Variants in LRRTM4 observed in about 807,000 individuals in gnomAD.
LRRTM4 encodes leucine-rich repeat transmembrane neuronal protein 4.
In LRRTM4, 25 loss-of-function variants were observed where a neutral mutation model predicts 47.6. The observed-to-expected ratio is 0.53, with a 90% CI of 0.38 to 0.73. LRRTM4 has a LOEUF of 0.73. Ranked by LOEUF, LRRTM4 falls within the 30% of genes least tolerant of loss-of-function variation. The pLI, the probability that LRRTM4 is intolerant of heterozygous loss-of-function variation, is 0.00. For synonymous variants in LRRTM4, 311 were observed against 269.5 expected, an observed-to-expected ratio of 1.15 and a Z score of -1.51; for missense variants, 638 against 713.4, an observed-to-expected ratio of 0.89 and a Z score of 1.20.
At chr2:77,151,783 T>C (rs980909472) in intron 3 of LRRTM4, among the ~76,000 whole-genome samples, 3 of 102,514 alleles carry the variant, frequency 2.9e-5, no homozygotes, top group Non-Finnish European at 3.8e-5. Context: ...AGAAAGATCT[T>C]GTTTGTTGTT....
intron 3 of LRRTM4, among the ~76,000 whole-genome samples, chr2:77,032,210 A>G (rs1295364141): frequency 6.6e-6 from 1 of 152,010 alleles, no homozygotes; most frequent in African/African-American, 2.4e-5. Context: ...CTTCATATTT[A>G]CCATTCCCTT....
chr2:76,850,509 T>G (rs539468337), intron 3 of LRRTM4, among the ~76,000 whole-genome samples: 2 of 152,308 alleles, frequency 1.3e-5, no homozygotes, highest in East Asian at 1.9e-4. Flanking sequence ...TGCAAATAAC[T>G]AGTACATTAT....
chr2:77,322,275 C>A (rs1323869915), intron 3 of LRRTM4, among the ~76,000 whole-genome samples: 1 of 152,012 alleles, frequency 6.6e-6, no homozygotes, highest in Admixed American at 6.6e-5. Flanking sequence ...TGGGTAACTT[C>A]CTCTAAATAT....
At chr2:77,386,429 C>A (rs1203459850) in intron 3 of LRRTM4, among the ~76,000 whole-genome samples, 1 of 152,150 alleles carries the variant, frequency 6.6e-6, no homozygotes, top group African/African-American at 2.4e-5. Flanking sequence ...TCATCCATAT[C>A]CCTGCAAAGG....
chr2:76,917,980 A>C (rs1041224847), intron 3 of LRRTM4, among the ~76,000 whole-genome samples: 1 of 152,168 alleles, frequency 6.6e-6, no homozygotes, highest in South Asian at 2.1e-4. Flanking sequence ...CTTTTCCTGC[A>C]ATCTTGACTA....
chr2:77,193,730 G>C (rs915100813), intron 3 of LRRTM4, among the ~76,000 whole-genome samples: 1 of 152,122 alleles, frequency 6.6e-6, no homozygotes, highest in Non-Finnish European at 1.5e-5. Context: ...GAAGCCAGGA[G>C]GCGGGCATTG....
At chr2:77,070,795 T>C (rs907903255) in intron 3 of LRRTM4, among the ~76,000 whole-genome samples, 3 of 152,126 alleles carry the variant, frequency 2.0e-5, no homozygotes, top group Non-Finnish European at 2.9e-5. Context: ...CATGCCCAGC[T>C]AATTTTTGTA....
intron 3 of LRRTM4, among the ~76,000 whole-genome samples, chr2:76,924,866 A>C (rs115154040): frequency 0.012 from 1,788 of 152,130 alleles, 42 homozygotes; most frequent in African/African-American, 0.041. Flanking sequence ...TAAAACTTTC[A>C]ATCCAATTTC....
rs1343099578 is a variant in LRRTM4 at position 77,102,427 on chromosome 2, T to C, written c.1552-353511A>G. On this transcript the variant is annotated intron_variant, in intron 3 of 3. Transcript: ENST00000409884. ...CTAGGTTACTTCAGAGTTCTTTTTC[T>C]GCTCTTTCAAACTTCCACCATTAAG... 2.0e-5 allele frequency among the ~76,000 whole-genome samples: 3 copies of C among 152,376 alleles called. 1 individual carries two copies. In the South Asian group the frequency reaches 6.2e-4, roughly 32 times the overall value.
At chr2:76,910,056 T>C (rs1282078491) in intron 3 of LRRTM4, among the ~76,000 whole-genome samples, 2 of 152,148 alleles carry the variant, frequency 1.3e-5, no homozygotes, top group Non-Finnish European at 2.9e-5. Context: ...CGTATGTTTA[T>C]TGTGGCACTA....
chr2:76,813,407 T>C (rs1181795163), intron 3 of LRRTM4, among the ~76,000 whole-genome samples: 1 of 152,292 alleles, frequency 6.6e-6, no homozygotes, highest in East Asian at 1.9e-4. Context: ...TTGTCTAATG[T>C]CAGAGAAATA....
chr2:76,875,970 G>A (rs1400973972), intron 3 of LRRTM4, among the ~76,000 whole-genome samples: 1 of 152,060 alleles, frequency 6.6e-6, no homozygotes, highest in Non-Finnish European at 1.5e-5. Context: ...ACTGACTTGG[G>A]ATACCAGTTA....
At chr2:77,463,444 A>C (rs1573449237) in intron 3 of LRRTM4, among the ~76,000 whole-genome samples, 1 of 152,040 alleles carries the variant, frequency 6.6e-6, no homozygotes, top group East Asian at 1.9e-4. Context: ...AGTAAATCAA[A>C]ATTTTCCTCA....
chr2:76,928,269 A>C (rs1204596301), intron 3 of LRRTM4, among the ~76,000 whole-genome samples: 1 of 152,194 alleles, frequency 6.6e-6, no homozygotes, highest in Non-Finnish European at 1.5e-5. Context: ...GGAGTTCTCT[A>C]TTTTGACTGT....
intron 3 of LRRTM4, among the ~76,000 whole-genome samples, chr2:77,132,797 G>GA (rs1671837791): frequency 6.6e-6 from 1 of 152,034 alleles, no homozygotes. Flanking sequence ...TTTAACACAT[G>GA]AATTATGGGA....
At chr2:77,086,272 C>T (rs899647360) in intron 3 of LRRTM4, among the ~76,000 whole-genome samples, 4 of 152,108 alleles carry the variant, frequency 2.6e-5, no homozygotes, top group African/African-American at 9.7e-5. Context: ...AGGATCACAA[C>T]TGGTTCAGGT....
At chr2:77,231,118 C>G (rs1173710269) in intron 3 of LRRTM4, among the ~76,000 whole-genome samples, 1 of 152,028 alleles carries the variant, frequency 6.6e-6, no homozygotes, top group Non-Finnish European at 1.5e-5. Flanking sequence ...TAAATTTTAT[C>G]TGGCAAGTTT....
intron 3 of LRRTM4, among the ~76,000 whole-genome samples, chr2:77,083,783 CTTTTTTTT>C (rs386390525): frequency 0.052 from 2,698 of 52,348 alleles, 290 homozygotes; most frequent in East Asian, 0.13. Context: ...ACTGGACACA[CTTTTTTTT>C]TTTTTTTTTT....
intron 3 of LRRTM4, among the ~76,000 whole-genome samples, chr2:77,184,763 T>A (rs749803461): frequency 1.9e-4 from 29 of 152,310 alleles, no homozygotes; most frequent in Non-Finnish European, 3.8e-4. Flanking sequence ...AGTGGAAAGT[T>A]ATTTTAATCA....
Sources: allele counts gnomAD v4.1 joint callset (sites outside exome capture counted in the v4.1 genomes callset), GRCh38; gene constraint gnomAD v4.1.1; transcripts MANE v1.5; gene names NCBI Gene and HGNC (gene_info 2026-07-23, HGNC 2026-07-21).